Variants in MRO observed in about 807,000 individuals in gnomAD.
The protein encoded by MRO is maestro.
MRO carries 28 observed loss-of-function variants against 31.0 expected under a neutral mutation model. The observed-to-expected ratio is 0.90, with a 90% CI of 0.67 to 1.24. The LOEUF (loss-of-function observed/expected upper bound fraction) is 1.24, where lower values mean the gene tolerates loss of function less well. Among genes scored for constraint, MRO ranks in the 50% most tolerant of loss-of-function variants. The pLI is 0.00. For synonymous variants in MRO, 108 were observed against 108.4 expected (o/e 1.00, Z 0.02); for missense variants, 332 against 289.2 (o/e 1.15, Z -1.07).
At chr18:50,805,124 A>C (rs1568127944) in intron 5 of MRO, 30 bp downstream of exon 5, 10 of 1,586,584 alleles carry the variant, frequency 6.3e-6, no homozygotes, top group Non-Finnish European at 8.6e-6. Context: ...TTTTGATTTC[A>C]ATAACCCAGA....
chr18:50,817,325 G>A (rs190059008), intron 2 of MRO, among the ~76,000 whole-genome samples: 64 of 151,952 alleles, frequency 4.2e-4, no homozygotes, highest in Non-Finnish European at 8.1e-4. Flanking sequence ...AGAATTCCCC[G>A]GGGTACGTGT....
chr18:50,800,922 GGAAGGAAGGAAA>G (rs1239105806), intron 6 of MRO, among the ~76,000 whole-genome samples: 16 of 149,946 alleles, frequency 1.1e-4, no homozygotes, highest in Non-Finnish European at 2.2e-4. Flanking sequence ...AAGGAAGAAA[GGAAGGAAGGAAA>G]GAAGGAAGGA....
chr18:50,815,601 T>C (rs1054264680), intron 2 of MRO: 6 of 305,476 alleles, frequency 2.0e-5, no homozygotes, highest in Non-Finnish European at 3.9e-5. Context: ...GAAACTATAA[T>C]GATCTTGGAA....
chr18:50,805,274 A>G lies in MRO; in HGVS notation c.309T>C (p.Asn103=). The G allele has an allele frequency of 6.2e-7, 1 of 1,614,154 alleles. No homozygotes were observed. Among genetic ancestry groups the G allele is most frequent in the East Asian group, 2.2e-5 (1 of 44,880 alleles). Residue 103 remains asparagine (N), a synonymous_variant, in exon 5 of 8, where the codon AAT becomes AAC. Transcript: ENST00000398439. The part of the protein sequence containing the change: ...LLVYGLYDPV[N]LEVIHESMKT... ...TCATACTCTCATGGATGACTTCCAA[A>G]TTCACAGGGTCATACAGTCCATACA...
In MRO at chr18:50,795,149, A is replaced by G. The variant is rs893124734; in HGVS notation, c.*4188T>C. On this transcript the variant is annotated 3_prime_UTR_variant, in exon 8 of 8. Transcript: ENST00000398439. ...ATGATAATCAATCATAAGTCATTTTATTTGTTATCAAGTTATATTATCAAC... is the reference window on the plus strand; with the variant it reads ...ATGATAATCAATCATAAGTCATTTTGTTTGTTATCAAGTTATATTATCAAC... 3 of 152,204 alleles carry G rather than the reference A, an allele frequency of 2.0e-5. No individual in the cohort carries two copies. The highest frequency in any genetic ancestry group is 6.5e-5 in the Admixed American group (1 of 15,276). The allele number at this position is 152,204 out of a possible 1,614,324, so 9.4% of individuals were successfully genotyped here.
In MRO at chr18:50,800,073, T is replaced by G; in HGVS notation, c.656A>C (p.Glu219Ala). Residue 219 changes from glutamate (E) to alanine (A), a missense_variant, in exon 7 of 8, where the codon GAA becomes GCA. Physicochemically the swap from Glu to Ala is moderately radical, Grantham distance 107. Coordinates refer to ENST00000398439, the MANE Select transcript of MRO (RefSeq NM_031939.6). Reference protein sequence around the residue: ...KLKEEYSFQSEEDQRNTKLYQ... With the variant: ...KLKEEYSFQSAEDQRNTKLYQ... ...GAGCTTAGTGTTCCTTTGATCTTCT[T>G]CACTCTGGAAGCTGTATTCCTCCTT... 1 of 1,613,858 alleles carries G rather than the reference T, an allele frequency of 6.2e-7. No homozygotes were observed. Among genetic ancestry groups the G allele is most frequent in the Non-Finnish European group, 8.5e-7 (1 of 1,179,812 alleles).
intron 2 of MRO, among the ~76,000 whole-genome samples, chr18:50,818,004 C>T (rs1181168447): frequency 7.4e-6 from 1 of 134,868 alleles, no homozygotes; most frequent in Non-Finnish European, 1.6e-5. Context: ...ACCCCCCGCC[C>T]CATGCCCTCC....
Position 50,819,790 on chromosome 18 carries a change from A to G in MRO, c.-126-88T>C, listed in dbSNP as rs1028735938. 5.2e-6 allele frequency: 8 copies of G among 1,543,802 alleles called. No individual in the cohort carries two copies. In the Admixed American group the frequency reaches 5.9e-5, roughly 11 times the overall value. On this transcript the variant is annotated intron_variant, in intron 1 of 7. Coordinates refer to ENST00000398439, the MANE Select transcript of MRO (RefSeq NM_031939.6). Reference sequence around the variant, plus strand: ...CAGAGTGTTGGAAAGTGAGAATCAAATAAGAGGGGAAAGTCAAAGTTTATA... The same window carrying G: ...CAGAGTGTTGGAAAGTGAGAATCAAGTAAGAGGGGAAAGTCAAAGTTTATA...
upstream of MRO, chr18:50,820,058 G>A (rs1915245858): frequency 4.3e-6 from 5 of 1,174,998 alleles, no homozygotes; most frequent in African/African-American, 7.6e-5. Context: ...CCCTGCCAAG[G>A]CCCGTTCCCC....
chr18:50,819,326 A>T, intron 2 of MRO: 1 of 594,044 alleles, frequency 1.7e-6, no homozygotes, highest in Non-Finnish European at 2.1e-6. Flanking sequence ...ATTCTATTAT[A>T]TTGCTGACAA....
upstream of MRO, among the ~76,000 whole-genome samples, chr18:50,822,579 C>G (rs1171743750): frequency 6.6e-6 from 1 of 152,132 alleles, no homozygotes; most frequent in Non-Finnish European, 1.5e-5. Flanking sequence ...CTCAGGTGAT[C>G]TGCCTGCCTC....
At chr18:50,809,074 C>G (rs906476264) in intron 3 of MRO, among the ~76,000 whole-genome samples, 1 of 143,506 alleles carries the variant, frequency 7.0e-6, no homozygotes, top group East Asian at 2.2e-4. Context: ...GGAAGTGGAG[C>G]TTGCAGTGAG....
At chr18:50,822,461 A>G (rs1599051184), upstream of MRO, among the ~76,000 whole-genome samples, 2 of 151,994 alleles carry the variant, frequency 1.3e-5, no homozygotes, top group Non-Finnish European at 2.9e-5. Flanking sequence ...GCCTCAGCCT[A>G]CCGAGTAGCG....
chr18:50,806,743 C>T lies in MRO; in HGVS notation c.207G>A (p.Met69Ile). ...DPSAKKRHMAMRNLGTMAYEA... is the reference protein window; with the variant it reads ...DPSAKKRHMAIRNLGTMAYEA... ...CATAGGCCATGGTTCCCAAGTTTCTCATTGCCATGTGACGCTTTTTAGCAC... is the reference window on the plus strand; with the variant it reads ...CATAGGCCATGGTTCCCAAGTTTCTTATTGCCATGTGACGCTTTTTAGCAC... Residue 69 changes from methionine to isoleucine, a missense_variant, in exon 4 of 8, where the codon ATG (methionine) becomes ATA (isoleucine). Physicochemically the swap from Met to Ile is conservative, Grantham distance 10 (BLOSUM62 1). Transcript: ENST00000398439. 1 of 1,614,168 alleles carries T rather than the reference C, an allele frequency of 6.2e-7. No individual in the cohort carries two copies. The highest frequency in any genetic ancestry group is 8.5e-7 in the Non-Finnish European group (1 of 1,180,036).
upstream of MRO, among the ~76,000 whole-genome samples, chr18:50,820,280 CA>C (rs1348238260): frequency 6.6e-6 from 1 of 152,190 alleles, no homozygotes; most frequent in Non-Finnish European, 1.5e-5. Context: ...CCTTCCTGCT[CA>C]AGAAACACCG....
intron 2 of MRO, among the ~76,000 whole-genome samples, chr18:50,810,137 A>AT (rs1447440727): frequency 2.6e-5 from 4 of 150,988 alleles, no homozygotes; most frequent in Non-Finnish European, 4.4e-5. Context: ...ATTAATTTTT[A>AT]TTTTTTTTTA....
At chr18:50,806,647 C>T in intron 4 of MRO, 57 bp downstream of exon 4, 1 of 1,605,686 alleles carries the variant, frequency 6.2e-7, no homozygotes. Context: ...GGAGTCTCCA[C>T]ACCAAGGTGG....
rs1471281053 is a variant in MRO at position 50,795,476 on chromosome 18, C to CT, written c.*3860dup. 6.6e-6 allele frequency: 1 copy of CT among 152,206 alleles called. No homozygotes were observed. Among genetic ancestry groups the CT allele is most frequent in the Non-Finnish European group, 1.5e-5 (1 of 68,016 alleles). 9.4% of individuals were successfully genotyped at this position (152,206 alleles called of 1,614,324 possible). ...TTCTCGCTTTCAAAACATTCTAGTG[C>CT]TTTTTTATAACGTGTGAAGCGTTCC... On this transcript the variant is annotated 3_prime_UTR_variant, in exon 8 of 8. Coordinates refer to ENST00000398439, the MANE Select transcript of MRO (RefSeq NM_031939.6).
chr18:50,799,487 T>A (rs2144573331), intron 7 of MRO, 97 bp from the exon 8 acceptor site: 1 of 1,035,446 alleles, frequency 9.7e-7, no homozygotes, highest in South Asian at 1.3e-5. Flanking sequence ...GGCATGTGGA[T>A]AAGCAGGAGA....
Sources: gnomAD v4.1 joint callset for allele counts (sites outside exome capture counted in the v4.1 genomes callset) on GRCh38, gnomAD v4.1.1 for gene constraint, MANE v1.5 for transcripts, NCBI Gene and HGNC (gene_info 2026-07-23, HGNC 2026-07-21) for gene names.